Variants in COBL observed in about 807,000 individuals in gnomAD.
COBL encodes protein cordon-bleu.
Under a neutral mutation model 98.8 loss-of-function variants are expected in COBL, and 51 were observed. The observed-to-expected ratio is 0.52, with a 90% CI of 0.41 to 0.65. The LOEUF is 0.65. COBL is among the 30% of genes least tolerant of loss of function. The pLI is 0.00. For synonymous variants in COBL, 634 were observed against 651.7 expected (o/e 0.97, Z 0.41); for missense variants, 1,617 against 1,617.5 (o/e 1.00, Z 0.01).
At chr7:51,081,307 A>G (rs1045689972) in intron 7 of COBL, among the ~76,000 whole-genome samples, 2 of 152,192 alleles carry the variant, frequency 1.3e-5, no homozygotes, top group African/African-American at 4.8e-5. Flanking sequence ...GGGCAAAGGA[A>G]GTCCCAGGTG....
At chr7:51,109,018 C>A (rs1796597122) in intron 6 of COBL, among the ~76,000 whole-genome samples, 1 of 152,098 alleles carries the variant, frequency 6.6e-6, no homozygotes, top group Non-Finnish European at 1.5e-5. Flanking sequence ...TTTCCTTAGT[C>A]TCGGTCACCC....
At position 51,065,412 on chromosome 7, in the gene COBL, G is replaced by C. The variant is rs1300624060; in HGVS notation, c.1096+19754C>G. ...CCGGGGCTGTGGTATTCAGAAGCAA[G>C]CTCAGAAGTCTTATCACAGCTTCAG... On this transcript the variant is annotated intron_variant, in intron 7 of 12. Coordinates refer to ENST00000265136, the MANE Select transcript of COBL (RefSeq NM_015198.5). 4 of 702,964 alleles carry C rather than the reference G, an allele frequency of 5.7e-6. No homozygotes were observed. The African/African-American group carries it at 7.0e-5, about 12-fold the overall frequency. 43.5% of individuals were successfully genotyped at this position (702,964 alleles called of 1,614,324 possible). A position where few individuals can be genotyped will look rare whatever the true frequency, so the allele number is the denominator to read the frequency against.
At chr7:51,109,879 G>C (rs1425643523) in intron 6 of COBL, among the ~76,000 whole-genome samples, 1 of 152,170 alleles carries the variant, frequency 6.6e-6, no homozygotes, top group East Asian at 1.9e-4. Context: ...ATGGAGCGCT[G>C]AGGCAGTGAA....
At chr7:51,095,197 C>T (rs538540780) in intron 6 of COBL, among the ~76,000 whole-genome samples, 5 of 152,212 alleles carry the variant, frequency 3.3e-5, no homozygotes, top group Admixed American at 1.3e-4. Flanking sequence ...TCTTACATGG[C>T]GGCAGGCAAA....
At chr7:51,315,888 C>A (rs905039454) in intron 1 of COBL, among the ~76,000 whole-genome samples, 1 of 151,934 alleles carries the variant, frequency 6.6e-6, no homozygotes. Flanking sequence ...AAAGCGGAAT[C>A]GCGAAGACAG....
chr7:51,297,424 C>T (rs1238470410), intron 1 of COBL, among the ~76,000 whole-genome samples: 1 of 136,190 alleles, frequency 7.3e-6, no homozygotes, highest in Non-Finnish European at 1.5e-5. Flanking sequence ...TGGAGTCTCA[C>T]TCTGTCATGC....
chr7:51,246,664 T>C (rs1378188726), intron 1 of COBL, among the ~76,000 whole-genome samples: 1 of 152,210 alleles, frequency 6.6e-6, no homozygotes, highest in Admixed American at 6.5e-5. Context: ...CGCTGATTAA[T>C]GAAGCATTAT....
intron 2 of COBL, among the ~76,000 whole-genome samples, chr7:51,206,858 G>T (rs1360142194): frequency 6.6e-6 from 1 of 152,214 alleles, no homozygotes; most frequent in Non-Finnish European, 1.5e-5. Context: ...AGTGGTTGCA[G>T]GGGCTGGGCA....
At position 51,016,272 on chromosome 7, in the gene COBL, T is replaced by C. The variant is rs1039590118; in HGVS notation, c.*1279A>G. The C allele has an allele frequency of 2.5e-4, 38 of 152,218 alleles. No individual in the cohort carries two copies. Among genetic ancestry groups the C allele is most frequent in the African/African-American group, 8.9e-4 (37 of 41,456 alleles). 9.4% of individuals were successfully genotyped at this position (152,218 alleles called of 1,614,324 possible). On this transcript the variant is annotated 3_prime_UTR_variant, in exon 13 of 13. Coordinates refer to ENST00000265136, the MANE Select transcript of COBL (RefSeq NM_015198.5). ...GACAGATAGCTGTGATGAAGAGCAA[T>C]TGGCTGGTAGCTCGTGCCTCACCAA...
intron 1 of COBL, among the ~76,000 whole-genome samples, chr7:51,312,227 A>G (rs2129220789): frequency 6.6e-6 from 1 of 152,108 alleles, no homozygotes; most frequent in Non-Finnish European, 1.5e-5. Context: ...GCTACTCCGG[A>G]GGCTGAGGCA....
At chr7:51,080,114 G>A (rs1793490155) in intron 7 of COBL, among the ~76,000 whole-genome samples, 1 of 152,204 alleles carries the variant, frequency 6.6e-6, no homozygotes. Context: ...TCAGGCCTAT[G>A]AGTGGGTCAA....
At chr7:51,049,308 T>C (rs967042362) in intron 7 of COBL, among the ~76,000 whole-genome samples, 1 of 152,098 alleles carries the variant, frequency 6.6e-6, no homozygotes, top group Non-Finnish European at 1.5e-5. Flanking sequence ...CCCCAGTGAG[T>C]TTCCTGATGG....
In COBL at chr7:51,226,167, T is replaced by C. The variant is rs114520611; in HGVS notation, c.42-6223A>G. The stretch of plus-strand genomic sequence containing the variant: ...TGACCTGAATGGCACCTCTACACCA[T>C]GGGTGCCTGTTTACCATGTTGGCTA... On this transcript the variant is annotated intron_variant, in intron 1 of 12. Transcript: ENST00000265136. 7.5e-3 allele frequency among the ~76,000 whole-genome samples: 1,136 copies of C among 152,046 alleles called. 15 individuals carry two copies. The highest frequency in any genetic ancestry group is 0.027 in the African/African-American group (1,103 of 41,448).
At chr7:51,226,442 G>A (rs537194405) in intron 1 of COBL, among the ~76,000 whole-genome samples, 1 of 152,254 alleles carries the variant, frequency 6.6e-6, no homozygotes, top group African/African-American at 2.4e-5. Flanking sequence ...CTCTACCAAG[G>A]GAAGAGGAAC....
At chr7:51,232,930 G>C (rs967466025) in intron 1 of COBL, among the ~76,000 whole-genome samples, 1 of 152,214 alleles carries the variant, frequency 6.6e-6, no homozygotes, top group Non-Finnish European at 1.5e-5. Flanking sequence ...AAAAGTACCA[G>C]AGACGCTGTG....
intron 5 of COBL, among the ~76,000 whole-genome samples, chr7:51,149,178 CT>C (rs1182838595): frequency 6.6e-5 from 10 of 152,202 alleles, no homozygotes; most frequent in African/African-American, 2.4e-4. Flanking sequence ...GTGCAAGTGT[CT>C]GTCACTTCTC....
intron 1 of COBL, among the ~76,000 whole-genome samples, chr7:51,298,320 G>C (rs1448814031): frequency 6.6e-6 from 1 of 152,196 alleles, no homozygotes; most frequent in Non-Finnish European, 1.5e-5. Flanking sequence ...CTAAGATTAG[G>C]GAGACTTGCT....
intron 1 of COBL, among the ~76,000 whole-genome samples, chr7:51,277,778 T>A (rs1799445294): frequency 6.6e-6 from 1 of 152,072 alleles, no homozygotes; most frequent in Non-Finnish European, 1.5e-5. Context: ...CAGGGCATTG[T>A]GAGAGCAGGG....
At chr7:51,018,684 G>A (rs888890647) in intron 12 of COBL, among the ~76,000 whole-genome samples, 1 of 151,270 alleles carries the variant, frequency 6.6e-6, no homozygotes, top group African/African-American at 2.4e-5. Context: ...CCTGAGGTCG[G>A]GAGTTCGAAA....
Sources: allele counts gnomAD v4.1 joint callset (sites outside exome capture counted in the v4.1 genomes callset), GRCh38; gene constraint gnomAD v4.1.1; transcripts MANE v1.5; gene names NCBI Gene and HGNC (gene_info 2026-07-23, HGNC 2026-07-21).